STX19: variants seen among roughly 807,000 people sequenced by gnomAD.
The protein encoded by STX19 is syntaxin-19.
STX19 carries 26 observed loss-of-function variants against 24.3 expected under a neutral mutation model. That is an observed-to-expected ratio of 1.07 (90% CI 0.78 to 1.48). STX19 has a LOEUF of 1.48. Ranked by LOEUF, STX19 falls within the 40% of genes most tolerant of loss-of-function variation. The probability of loss-of-function intolerance (pLI) is 0.00; values close to 1 mark genes in which losing one functional copy is unlikely to be tolerated. For missense variants in STX19, 367 were observed against 331.9 expected (o/e 1.11, Z -0.82); for synonymous variants, 116 against 106.9 (o/e 1.09, Z -0.52).
chr3:94,015,814 T>C (rs1231934444), intron 1 of STX19, among the ~76,000 whole-genome samples: 1 of 152,178 alleles, frequency 6.6e-6, no homozygotes, highest in African/African-American at 2.4e-5. Context: ...TTTTAAATTT[T>C]CCGAAGCCTC....
At position 94,016,881 on chromosome 3, in the gene STX19, G is replaced by A. The variant is rs144084170; in HGVS notation, c.-13-1599C>T. Reference sequence around the variant, plus strand: ...AGGCTGGTCTCAAACTCCTGACCTCGTGATCCGCCCACCTTGGCCTCCCAA... The same window carrying A: ...AGGCTGGTCTCAAACTCCTGACCTCATGATCCGCCCACCTTGGCCTCCCAA... On this transcript the variant is annotated intron_variant, in intron 1 of 1. Coordinates refer to ENST00000315099, the MANE Select transcript of STX19 (RefSeq NM_001001850.3). Among the ~76,000 whole-genome samples the A allele has an allele frequency of 3.8e-3, 583 of 152,142 alleles. 6 individuals carry two copies. The highest frequency in any genetic ancestry group is 0.013 in the African/African-American group (547 of 41,508).
rs1371659734 is a variant in STX19 at position 94,014,992 on chromosome 3, G to A, written c.278C>T (p.Thr93Ile). The A allele has an allele frequency of 1.2e-6, 2 of 1,613,834 alleles. No individual in the cohort carries two copies. Among genetic ancestry groups the A allele is most frequent in the African/African-American group, 2.7e-5 (2 of 74,874 alleles). ...CTGAATTTTTATCTCCTTTGTAATG[G>A]TAGACTCTCTCTTAAGTAGACTAAA... ...RRFSLLKRES[T>I]ITKEIKIQAE... The change falls in exon 2 of 2, where the codon ACC becomes ATC. Residue 93 changes from threonine (T) to isoleucine (I), a missense_variant. Transcript: ENST00000315099.
chr3:94,023,632 A>T (rs1186460372), intron 1 of STX19, among the ~76,000 whole-genome samples: 1 of 152,162 alleles, frequency 6.6e-6, no homozygotes, highest in African/African-American at 2.4e-5. Context: ...TTTTAAAGTG[A>T]CTTGCCTAAG....
intron 1 of STX19, among the ~76,000 whole-genome samples, chr3:94,018,252 G>A (rs1464808896): frequency 1.3e-5 from 2 of 151,718 alleles, no homozygotes; most frequent in Non-Finnish European, 2.9e-5. Context: ...ATAGTTTCCT[G>A]GGGAGGGGGT....
At chr3:94,019,936 C>G (rs2076413644) in intron 1 of STX19, among the ~76,000 whole-genome samples, 2 of 152,322 alleles carry the variant, frequency 1.3e-5, no homozygotes, top group South Asian at 4.1e-4. Flanking sequence ...AATGTCACTC[C>G]TGAGTTAGGA....
rs145124418 is a variant in STX19 at position 94,015,200 on chromosome 3, A to C, written c.70T>G (p.Ser24Ala). The change falls in exon 2 of 2, where the codon TCA becomes GCA. Residue 24 changes from serine (S) to alanine (A), a missense_variant. Ser to Ala is a moderately conservative substitution (Grantham distance 99). Coordinates refer to ENST00000315099, the MANE Select transcript of STX19 (RefSeq NM_001001850.3). ...CCTTGTTCCTCTGTTTCTGTAGTTG[A>C]TACATGACTGTCTCTAGAGAGTTCA... ...EIELSRDSHV[S>A]TTETEEQGVF... 1.6e-3 allele frequency: 2,552 copies of C among 1,612,622 alleles called. 4 individuals are homozygous for C. The highest frequency in any genetic ancestry group is 1.9e-3 in the Non-Finnish European group (2,255 of 1,179,624).
intron 1 of STX19, among the ~76,000 whole-genome samples, chr3:94,015,848 A>G (rs749281073): frequency 1.3e-5 from 2 of 152,150 alleles, no homozygotes; most frequent in Non-Finnish European, 2.9e-5. Flanking sequence ...TACTTGGCAT[A>G]ATGTTTTTTC....
At chr3:94,020,733 C>T (rs563760244) in intron 1 of STX19, among the ~76,000 whole-genome samples, 1 of 152,278 alleles carries the variant, frequency 6.6e-6, no homozygotes, top group South Asian at 2.1e-4. Flanking sequence ...CGGTGGGAAA[C>T]ATTTAAGAGC....
Position 94,014,466 on chromosome 3 carries a change from A to G in STX19, c.804T>C (p.Phe268=). The change falls in exon 2 of 2, where the codon TTT becomes TTC. Residue 268 remains phenylalanine, a synonymous_variant. Coordinates refer to ENST00000315099, the MANE Select transcript of STX19 (RefSeq NM_001001850.3). Reference sequence around the variant, plus strand: ...TTTTTTTGTATTTTACAGCTAGTCCAAATTTCTCTTTAGTATTGTTAACAT... The same window carrying G: ...TTTTTTTGTATTTTACAGCTAGTCCGAATTTCTCTTTAGTATTGTTAACAT... ...KEYVNNTKEK[F]GLAVKYKKRN... 6.2e-7 allele frequency: 1 copy of G among 1,605,294 alleles called. No homozygotes were observed. Among genetic ancestry groups the G allele is most frequent in the Non-Finnish European group, 8.5e-7 (1 of 1,177,818 alleles).
chr3:94,024,618 CTCTA>C (rs1196248872), intron 1 of STX19, among the ~76,000 whole-genome samples: 7 of 152,290 alleles, frequency 4.6e-5, no homozygotes, highest in African/African-American at 1.7e-4. Flanking sequence ...TAGGATCTCA[CTCTA>C]TCACCCAGGC....
chr3:94,014,630 G>C lies in STX19; in HGVS notation c.640C>G (p.Gln214Glu). Residue 214 changes from glutamine (Q) to glutamate (E), a missense_variant, in exon 2 of 2, where the codon CAG (glutamine) becomes GAG (glutamate). Transcript: ENST00000315099. ...AAATTAACAAGTTCCTTGTGTCTCTGTTCAATCTCTGAAAGTTGTGCTTTA... is the reference window on the plus strand; with the variant it reads ...AAATTAACAAGTTCCTTGTGTCTCTCTTCAATCTCTGAAAGTTGTGCTTTA... ...ITKAQLSEIE[Q>E]RHKELVNLEN... 6.2e-7 allele frequency: 1 copy of C among 1,613,494 alleles called. No individual in the cohort carries two copies. The highest frequency in any genetic ancestry group is 8.5e-7 in the Non-Finnish European group (1 of 1,179,932).
At chr3:94,025,761 G>A (rs1012777155) in intron 1 of STX19, among the ~76,000 whole-genome samples, 14 of 152,038 alleles carry the variant, frequency 9.2e-5, no homozygotes, top group African/African-American at 3.4e-4. Context: ...GATTTTTATA[G>A]CCTAAGTGGA....
intron 1 of STX19, among the ~76,000 whole-genome samples, chr3:94,021,857 A>T (rs2076454640): frequency 6.6e-6 from 1 of 152,166 alleles, no homozygotes; most frequent in Non-Finnish European, 1.5e-5. Flanking sequence ...ATATAGCCAT[A>T]AGCTTTTTAA....
At chr3:94,027,427 A>G (rs1377616491) in intron 1 of STX19, among the ~76,000 whole-genome samples, 3 of 152,214 alleles carry the variant, frequency 2.0e-5, no homozygotes, top group Middle Eastern at 3.4e-3. Context: ...CTTGTATAAC[A>G]ACATTAAGAT....
Position 94,015,066 on chromosome 3 carries a change from A to T in STX19, c.204T>A (p.Val68=), listed in dbSNP as rs763723684. ...TTTTCTGTTGCTGCCCAAATTTTTG[A>T]ACATTATCTGCCAAATTGTTAATAC... ...QESINNLADN[V]QKFGQQQKSL... Residue 68 remains valine, a synonymous_variant, in exon 2 of 2, where the codon GTT becomes GTA. Coordinates refer to ENST00000315099, the MANE Select transcript of STX19 (RefSeq NM_001001850.3). The T allele has an allele frequency of 6.2e-7, 1 of 1,613,822 alleles. No individual in the cohort carries two copies. The highest frequency in any genetic ancestry group is 1.3e-5 in the African/African-American group (1 of 74,890).
intron 1 of STX19, among the ~76,000 whole-genome samples, chr3:94,015,529 G>A (rs577747215): frequency 9.1e-4 from 138 of 152,278 alleles, no homozygotes; most frequent in Non-Finnish European, 1.6e-3. Context: ...AGCTGAGAAA[G>A]CAGTGATGCA....
Position 94,014,391 on chromosome 3 carries a change from T to C in STX19, c.879A>G (p.Ser293=). 6.6e-7 allele frequency: 1 copy of C among 1,521,288 alleles called. No homozygotes were observed. Among genetic ancestry groups the C allele is most frequent in the Non-Finnish European group, 8.8e-7 (1 of 1,142,302 alleles). 94.2% of individuals were successfully genotyped at this position (1,521,288 alleles called of 1,614,324 possible). A position where few individuals can be genotyped will look rare whatever the true frequency, so the allele number is the denominator to read the frequency against. Residue 293 remains serine, a synonymous_variant, in exon 2 of 2, where the codon TCA becomes TCG. Transcript: ENST00000315099. ...LCCWCCPCCS[S]K ...AAGTTTTAAAATAGCTTCTTTATTT[T>C]GAGCTACAGCATGGACAGCACCAAC... is the stretch of plus-strand genomic sequence containing the variant.
intron 1 of STX19, 118 bp from the exon 2 acceptor site, chr3:94,015,400 A>C (rs2076310356): frequency 1.5e-6 from 1 of 674,048 alleles, no homozygotes; most frequent in African/African-American, 1.8e-5. Flanking sequence ...TTCTCAAATG[A>C]GGTTAAAAAG....
intron 1 of STX19, among the ~76,000 whole-genome samples, chr3:94,025,591 A>T (rs1006702140): frequency 6.6e-6 from 1 of 152,204 alleles, no homozygotes; most frequent in Non-Finnish European, 1.5e-5. Context: ...GAAATTCGTC[A>T]GTAGCCTAGC....
Sources: gnomAD v4.1 joint callset for allele counts (sites outside exome capture counted in the v4.1 genomes callset) on GRCh38, gnomAD v4.1.1 for gene constraint, MANE v1.5 for transcripts, NCBI Gene and HGNC (gene_info 2026-07-23, HGNC 2026-07-21) for gene names.